FAM78B: variants seen among roughly 807,000 people sequenced by gnomAD.
FAM78B encodes family with sequence similarity 78 member B.
In FAM78B, 10 loss-of-function variants were observed where a neutral mutation model predicts 20.0. The observed-to-expected ratio is 0.50, with a 90% CI of 0.31 to 0.85. The LOEUF (loss-of-function observed/expected upper bound fraction) is 0.85, where lower values mean the gene tolerates loss of function less well. Ranked by LOEUF, FAM78B falls within the 40% of genes least tolerant of loss-of-function variation. The pLI is 0.05. For missense variants in FAM78B, 283 were observed against 345.0 expected, an observed-to-expected ratio of 0.82 and a Z score of 1.42; for synonymous variants, 135 against 132.8, an observed-to-expected ratio of 1.02 and a Z score of -0.12.
chr1:166,150,637 T>C (rs1655638344), intron 1 of FAM78B, among the ~76,000 whole-genome samples: 1 of 152,206 alleles, frequency 6.6e-6, no homozygotes, highest in Admixed American at 6.5e-5. Context: ...CACACTAGCA[T>C]ACACAAATTT....
chr1:166,085,081 A>C (rs1456749241), intron 1 of FAM78B, among the ~76,000 whole-genome samples: 2 of 152,178 alleles, frequency 1.3e-5, no homozygotes, highest in East Asian at 1.9e-4. Flanking sequence ...CCTGGAAGAG[A>C]AGCTCTTGGG....
downstream of FAM78B, among the ~76,000 whole-genome samples, chr1:166,066,230 T>C (rs1220850164): frequency 6.6e-6 from 1 of 152,218 alleles, no homozygotes; most frequent in Non-Finnish European, 1.5e-5. Flanking sequence ...CTCCAATTAC[T>C]AAGTACTCTG....
intron 1 of FAM78B, among the ~76,000 whole-genome samples, chr1:166,118,073 G>C (rs1469712557): frequency 6.6e-6 from 1 of 152,174 alleles, no homozygotes; most frequent in Non-Finnish European, 1.5e-5. Context: ...TCCACTCCTG[G>C]AGACAAAGCT....
At chr1:166,119,780 G>T (rs748103743) in intron 1 of FAM78B, among the ~76,000 whole-genome samples, 3 of 152,228 alleles carry the variant, frequency 2.0e-5, no homozygotes, top group Non-Finnish European at 2.9e-5. Flanking sequence ...GACGCGTGTC[G>T]TAAGTGGCCA....
chr1:166,110,035 C>CA (rs1322404175), intron 1 of FAM78B, among the ~76,000 whole-genome samples: 1 of 149,136 alleles, frequency 6.7e-6, no homozygotes, highest in Non-Finnish European at 1.5e-5. Flanking sequence ...AACCAAACAT[C>CA]GTATGTTCTC....
At chr1:166,100,818 CCTGT>C (rs2101746624) in intron 1 of FAM78B, among the ~76,000 whole-genome samples, 1 of 152,330 alleles carries the variant, frequency 6.6e-6, no homozygotes, top group East Asian at 1.9e-4. Context: ...CTTAAATGTC[CCTGT>C]CTGACAGATT....
intron 1 of FAM78B, among the ~76,000 whole-genome samples, chr1:166,072,141 A>C (rs1652073539): frequency 6.6e-6 from 1 of 152,188 alleles, no homozygotes; most frequent in Non-Finnish European, 1.5e-5. Flanking sequence ...GTTTTATACA[A>C]GTTGTCTTAA....
intron 1 of FAM78B, among the ~76,000 whole-genome samples, chr1:166,136,080 G>A (rs2101784058): frequency 6.6e-6 from 1 of 152,238 alleles, no homozygotes; most frequent in East Asian, 1.9e-4. Context: ...AAGGGGACTT[G>A]TCACTCATGA....
intron 1 of FAM78B, among the ~76,000 whole-genome samples, chr1:166,141,599 A>T (rs367899659): frequency 6.6e-6 from 1 of 152,354 alleles, no homozygotes; most frequent in East Asian, 1.9e-4. Flanking sequence ...TCTTCAAAAA[A>T]GCTCTGCAAA....
rs200658759 is a variant in FAM78B at position 166,150,664 on chromosome 1, C to T, written c.263+15322G>A. 2.0e-5 allele frequency among the ~76,000 whole-genome samples: 3 copies of T among 152,210 alleles called. No individual in the cohort carries two copies. The East Asian group carries it at 5.8e-4, about 29-fold the overall frequency. ...CACAAATTTCAACACAAATTTCATA[C>T]ACAAATTTCTATCATTCTTCTCAAA... On this transcript the variant is annotated intron_variant, in intron 1 of 1. Coordinates refer to ENST00000354422, the MANE Select transcript of FAM78B (RefSeq NM_001017961.5).
intron 1 of FAM78B, among the ~76,000 whole-genome samples, chr1:166,141,294 G>C (rs533161074): frequency 1.6e-4 from 24 of 152,234 alleles, no homozygotes; most frequent in Non-Finnish European, 2.1e-4. Context: ...AAATGGTTGA[G>C]AGGGCAGGTG....
intron 1 of FAM78B, chr1:166,087,298 TG>T (rs1014075816): frequency 6.6e-6 from 1 of 152,046 alleles, no homozygotes; most frequent in African/African-American, 2.4e-5. Flanking sequence ...CTCCTGACCT[TG>T]TGATCCACCT....
rs919812765 is a variant in FAM78B, at chr1:166,069,796, A to T, written c.*445T>A. 5.7e-6 allele frequency: 1 copy of T among 176,304 alleles called. No homozygotes were observed. The highest frequency in any genetic ancestry group is 1.1e-5 in the Non-Finnish European group (1 of 89,420). 10.9% of individuals were successfully genotyped at this position (176,304 alleles called of 1,614,324 possible). A position where few individuals can be genotyped will look rare whatever the true frequency, so the allele number is the denominator to read the frequency against. ...TTCTTTCACCACCCATTTCCCCAGC[A>T]CCCTCCAGTCAGACAGCAGGAGTCT... On this transcript the variant is annotated 3_prime_UTR_variant, in exon 2 of 2. Transcript: ENST00000354422.
chr1:166,119,590 C>A (rs1303377054), intron 1 of FAM78B, among the ~76,000 whole-genome samples: 2 of 152,200 alleles, frequency 1.3e-5, no homozygotes, highest in East Asian at 3.9e-4. Flanking sequence ...CCCACTTTAA[C>A]CCTTCTTCCA....
chr1:166,062,090 GCAAGGCAC>G, intron 2 of FAM78B, among the ~76,000 whole-genome samples: 1 of 152,250 alleles, frequency 6.6e-6, no homozygotes, highest in East Asian at 1.9e-4. Context: ...TTTCTCTAAG[GCAAGGCAC>G]AGAGGCTCAG....
intron 1 of FAM78B, among the ~76,000 whole-genome samples, chr1:166,099,694 T>C (rs1483930015): frequency 6.6e-6 from 1 of 152,168 alleles, no homozygotes; most frequent in Non-Finnish European, 1.5e-5. Flanking sequence ...CATTATATAA[T>C]GGTAAAAGGC....
intron 1 of FAM78B, among the ~76,000 whole-genome samples, chr1:166,079,389 T>A (rs1020139155): frequency 1.3e-5 from 2 of 152,180 alleles, no homozygotes; most frequent in African/African-American, 2.4e-5. Context: ...TCCCTAAACA[T>A]ACCTCCAGAG....
At chr1:166,109,357 T>C (rs1253851917) in intron 1 of FAM78B, among the ~76,000 whole-genome samples, 2 of 151,974 alleles carry the variant, frequency 1.3e-5, no homozygotes, top group Non-Finnish European at 2.9e-5. Flanking sequence ...AGGACATGAA[T>C]AGAAAATTCT....
intron 1 of FAM78B, among the ~76,000 whole-genome samples, chr1:166,073,124 C>T: frequency 6.6e-6 from 1 of 152,054 alleles, no homozygotes; most frequent in East Asian, 1.9e-4. Context: ...AGGAAAATAC[C>T]CTTTTCTTGG....
Sources: gnomAD v4.1 joint callset for allele counts (sites outside exome capture counted in the v4.1 genomes callset) on GRCh38, gnomAD v4.1.1 for gene constraint, MANE v1.5 for transcripts, NCBI Gene and HGNC (gene_info 2026-07-23, HGNC 2026-07-21) for gene names.